The following C10orf62 variants were observed in gnomAD, a reference collection of about 807,000 sequenced individuals.
C10orf62 encodes the protein chromosome 10 open reading frame 62.
For synonymous variants in C10orf62, 94 were observed against 109.7 expected (o/e 0.86, Z 0.89); for missense variants, 279 against 281.9 (o/e 0.99, Z 0.07).
rs1202379899 is a variant in C10orf62 at position 97,590,310 on chromosome 10, G to A, written c.413G>A (p.Gly138Glu). 2 of 1,613,792 alleles carry A rather than the reference G, an allele frequency of 1.2e-6. No individual in the cohort carries two copies. Among genetic ancestry groups the A allele is most frequent in the Admixed American group, 3.3e-5 (2 of 60,016 alleles). Residue 138 changes from glycine (G) to glutamate (E), a missense_variant, in exon 1 of 1, where the codon GGG (glycine) becomes GAG (glutamate). Physicochemically the swap from Gly to Glu is moderately conservative, Grantham distance 98. Coordinates refer to ENST00000370640, the MANE Select transcript of C10orf62 (RefSeq NM_001009997.3). Reference protein sequence around the residue: ...AACTKEIDTQGRHLAHSMLQR... With the variant: ...AACTKEIDTQERHLAHSMLQR... ...TGCACCAAGGAGATTGACACCCAGG[G>A]GCGGCACCTGGCTCACTCCATGCTG...
chr10:97,590,717 A>C lies in C10orf62; in HGVS notation c.*148A>C. The C allele has an allele frequency of 1.4e-6, 1 of 733,108 alleles. No homozygotes were observed. The highest frequency in any genetic ancestry group is 2.3e-6 in the Non-Finnish European group (1 of 442,080). The allele number at this position is 733,108 out of a possible 1,614,324, so 45.4% of individuals were successfully genotyped here. A position where few individuals can be genotyped will look rare whatever the true frequency, so the allele number is the denominator to read the frequency against. Reference sequence around the variant, plus strand: ...GCTGTGCCCAAATCCCTACTTTCTTAGGCTCCTCACGGGGATTATGGGCTC... The same window carrying C: ...GCTGTGCCCAAATCCCTACTTTCTTCGGCTCCTCACGGGGATTATGGGCTC... On this transcript the variant is annotated 3_prime_UTR_variant, in exon 1 of 1. Coordinates refer to ENST00000370640, the MANE Select transcript of C10orf62 (RefSeq NM_001009997.3).
In C10orf62 at chr10:97,590,416, G is replaced by A; in HGVS notation, c.519G>A (p.Glu173=). ...INQEELRALE[E]VEMKLQKNFL... is the part of the protein sequence containing the mutation. Reference sequence around the variant, plus strand: ...AGGAGGAGCTGAGGGCCCTCGAGGAGGTAGAGATGAAGCTGCAAAAGAATT... The same window carrying A: ...AGGAGGAGCTGAGGGCCCTCGAGGAAGTAGAGATGAAGCTGCAAAAGAATT... The change falls in exon 1 of 1, where the codon GAG becomes GAA. Residue 173 remains glutamate (E), a synonymous_variant. Transcript: ENST00000370640. 2 of 1,614,138 alleles carry A rather than the reference G, an allele frequency of 1.2e-6. No homozygotes were observed. The highest frequency in any genetic ancestry group is 1.7e-6 in the Non-Finnish European group (2 of 1,180,022).
At position 97,590,506 on chromosome 10, in the gene C10orf62, T is replaced by A. The variant is rs527640057; in HGVS notation, c.609T>A (p.Ser203Arg). The A allele has an allele frequency of 2.9e-4, 469 of 1,612,356 alleles. 3 individuals carry two copies. In the South Asian group the frequency reaches 4.9e-3, roughly 17 times the overall value. Residue 203 changes from serine (S) to arginine (R), a missense_variant, in exon 1 of 1, where the codon AGT becomes AGA. By Grantham distance (110) the Ser-to-Arg change is moderately radical. Coordinates refer to ENST00000370640, the MANE Select transcript of C10orf62 (RefSeq NM_001009997.3). ...ACACACACACCTTCTATGGCCACAGTCACCACAGTCACCATGGCCACCCAA... is the reference window on the plus strand; with the variant it reads ...ACACACACACCTTCTATGGCCACAGACACCACAGTCACCATGGCCACCCAA... ...ANHTHTFYGH[S>R]HHSHHGHPSH...
At position 97,590,354 on chromosome 10, in the gene C10orf62, C is replaced by T. The variant is rs775259178; in HGVS notation, c.457C>T (p.Gln153Ter). 74 of 1,613,894 alleles carry T rather than the reference C, an allele frequency of 4.6e-5. No individual in the cohort carries two copies. The highest frequency in any genetic ancestry group is 6.0e-5 in the Non-Finnish European group (71 of 1,180,020). Residue 153 changes from glutamine to a stop codon, truncating the protein, a stop_gained, in exon 1 of 1, where the codon CAG becomes TAG. Transcript: ENST00000370640. LOFTEE classifies it low-confidence loss of function (END_TRUNC). The stretch of plus-strand genomic sequence containing the variant: ...CATGCTGCAGCGGGCCATAGCTTAC[C>T]AGCACTCAGGTCACCTAGAGTCCAA... ...HSMLQRAIAY[Q>*]HSGHLESKDI...
Position 97,589,920 on chromosome 10 carries a change from G to A in C10orf62, c.23G>A (p.Arg8Lys). 6.2e-7 allele frequency: 1 copy of A among 1,613,178 alleles called. No individual in the cohort carries two copies. Among genetic ancestry groups the A allele is most frequent in the Non-Finnish European group, 8.5e-7 (1 of 1,179,494 alleles). The change falls in exon 1 of 1, where the codon AGG becomes AAG. Residue 8 changes from arginine (R) to lysine (K), a missense_variant. Physicochemically the swap from Arg to Lys is conservative, Grantham distance 26. Coordinates refer to ENST00000370640, the MANE Select transcript of C10orf62 (RefSeq NM_001009997.3). Reference sequence around the variant, plus strand: ...CTCATGCTGTGGGTTCAGAGAAAGAGGAGAAGAAAGGAAACCTCTGAGTGT... The same window carrying A: ...CTCATGCTGTGGGTTCAGAGAAAGAAGAGAAGAAAGGAAACCTCTGAGTGT... MLWVQRK[R>K]RRKETSECPS... is the part of the protein sequence containing the mutation.
In C10orf62 at chr10:97,590,042, C is replaced by T. The variant is rs373701009; in HGVS notation, c.145C>T (p.Leu49Phe). 21 of 1,614,030 alleles carry T rather than the reference C, an allele frequency of 1.3e-5. No individual in the cohort carries two copies. The highest frequency in any genetic ancestry group is 1.8e-5 in the Non-Finnish European group (21 of 1,180,026). Residue 49 changes from leucine (L) to phenylalanine (F), a missense_variant, in exon 1 of 1, where the codon CTC becomes TTC. Physicochemically the swap from Leu to Phe is conservative, Grantham distance 22. Transcript: ENST00000370640. ...CCGCCTTTCCGAAGAGAAGCTGGCCCTCGACAACAATGCCAGCGCTAGTGG... is the reference window on the plus strand; with the variant it reads ...CCGCCTTTCCGAAGAGAAGCTGGCCTTCGACAACAATGCCAGCGCTAGTGG... Reference protein sequence around the residue: ...FSRLSEEKLALDNNASASGNA... With the variant: ...FSRLSEEKLAFDNNASASGNA...
rs565007098 is a variant in C10orf62, at chr10:97,590,266, G to A, written c.369G>A (p.Thr123=). 1.1e-5 allele frequency: 18 copies of A among 1,613,746 alleles called. No individual in the cohort carries two copies. In the African/African-American group the frequency reaches 1.5e-4, roughly 13 times the overall value. The change falls in exon 1 of 1, where the codon ACG becomes ACA. Residue 123 remains threonine (T), a synonymous_variant. Coordinates refer to ENST00000370640, the MANE Select transcript of C10orf62 (RefSeq NM_001009997.3). ...AAGCCCCATCCACTGATGAGGCCACGTGGGCCGCTGTGGCTGCCTGCACCA... is the reference window on the plus strand; with the variant it reads ...AAGCCCCATCCACTGATGAGGCCACATGGGCCGCTGTGGCTGCCTGCACCA... ...SGKAPSTDEA[T]WAAVAACTKE...
At position 97,590,581 on chromosome 10, in the gene C10orf62, C is replaced by A; in HGVS notation, c.*12C>A. 6.2e-7 allele frequency: 1 copy of A among 1,605,060 alleles called. No individual in the cohort carries two copies. Among genetic ancestry groups the A allele is most frequent in the Non-Finnish European group, 8.5e-7 (1 of 1,175,050 alleles). ...ATCGCAGACACTAGATCTGTGACTT[C>A]TTGGAAGCCACCTAACCATGGATGG... On this transcript the variant is annotated 3_prime_UTR_variant, in exon 1 of 1. Coordinates refer to ENST00000370640, the MANE Select transcript of C10orf62 (RefSeq NM_001009997.3).
At position 97,589,789 on chromosome 10, in the gene C10orf62, A is replaced by C. The variant is rs1048754727; in HGVS notation, c.-109A>C. The C allele has an allele frequency of 1.2e-6, 1 of 801,310 alleles. No homozygotes were observed. Among genetic ancestry groups the C allele is most frequent in the Non-Finnish European group, 2.1e-6 (1 of 482,302 alleles). 49.6% of individuals were successfully genotyped at this position (801,310 alleles called of 1,614,324 possible). ...ACCAGAGATCACCCAGCGTGCTCTTAGCTCTGCCTGCCTGGTGTAGGGTCC... is the reference window on the plus strand; with the variant it reads ...ACCAGAGATCACCCAGCGTGCTCTTCGCTCTGCCTGCCTGGTGTAGGGTCC... On this transcript the variant is annotated 5_prime_UTR_variant, in exon 1 of 1. The change abolishes the stop of an existing upstream ORF in the 5' untranslated region. Coordinates refer to ENST00000370640, the MANE Select transcript of C10orf62 (RefSeq NM_001009997.3).
Position 97,590,520 on chromosome 10 carries a change from A to G in C10orf62, c.623A>G (p.His208Arg), listed in dbSNP as rs1176913650. 1.9e-6 allele frequency: 3 copies of G among 1,612,432 alleles called. No homozygotes were observed. The highest frequency in any genetic ancestry group is 2.7e-5 in the African/African-American group (2 of 74,882). ...TFYGHSHHSH[H>R]GHPSHQSHSL... ...TATGGCCACAGTCACCACAGTCACC[A>G]TGGCCACCCAAGCCACCAGAGCCAC... The change falls in exon 1 of 1, where the codon CAT (histidine) becomes CGT (arginine). Residue 208 changes from histidine (H) to arginine (R), a missense_variant. By Grantham distance (29) the His-to-Arg change is conservative. Transcript: ENST00000370640.
rs751742777 is a variant in C10orf62, at chr10:97,590,406, C to G, written c.509C>G (p.Ala170Gly). Residue 170 changes from alanine (A) to glycine (G), a missense_variant, in exon 1 of 1, where the codon GCC (alanine) becomes GGC (glycine). Ala to Gly is a moderately conservative substitution (Grantham distance 60, BLOSUM62 0). Coordinates refer to ENST00000370640, the MANE Select transcript of C10orf62 (RefSeq NM_001009997.3). ...GACATCAACCAGGAGGAGCTGAGGG[C>G]CCTCGAGGAGGTAGAGATGAAGCTG... ...SKDINQEELRALEEVEMKLQK... is the reference protein window; with the variant it reads ...SKDINQEELRGLEEVEMKLQK... 4 of 1,613,964 alleles carry G rather than the reference C, an allele frequency of 2.5e-6. No individual in the cohort carries two copies. In the East Asian group the frequency reaches 8.9e-5, roughly 36 times the overall value.
At position 97,590,398 on chromosome 10, in the gene C10orf62, G is replaced by A. The variant is rs1228170230; in HGVS notation, c.501G>A (p.Glu167=). 5.0e-6 allele frequency: 8 copies of A among 1,614,162 alleles called. No homozygotes were observed. The highest frequency in any genetic ancestry group is 6.8e-6 in the Non-Finnish European group (8 of 1,180,032). The change falls in exon 1 of 1, where the codon GAG becomes GAA. Residue 167 remains glutamate, a synonymous_variant. Transcript: ENST00000370640. ...AGTCCAAGGACATCAACCAGGAGGAGCTGAGGGCCCTCGAGGAGGTAGAGA... is the reference window on the plus strand; with the variant it reads ...AGTCCAAGGACATCAACCAGGAGGAACTGAGGGCCCTCGAGGAGGTAGAGA... ...HLESKDINQE[E]LRALEEVEMK... is the part of the protein sequence containing the mutation.
At position 97,590,624 on chromosome 10, in the gene C10orf62, G is replaced by A. The variant is rs888134745; in HGVS notation, c.*55G>A. The A allele has an allele frequency of 3.2e-6, 5 of 1,551,450 alleles. No individual in the cohort carries two copies. The highest frequency in any genetic ancestry group is 4.4e-6 in the Non-Finnish European group (5 of 1,136,510). ...ATGGATGGAGACGCCCCTGCCCCCA[G>A]CAAGGCTGGCTCACACACACGTCTG... On this transcript the variant is annotated 3_prime_UTR_variant, in exon 1 of 1. Coordinates refer to ENST00000370640, the MANE Select transcript of C10orf62 (RefSeq NM_001009997.3).
Position 97,590,208 on chromosome 10 carries a change from C to G in C10orf62, c.311C>G (p.Ser104Ter), listed in dbSNP as rs765971580. ...FTSRQKTSGPSVIQEIHQESG... is the reference protein window; with the variant it reads ...FTSRQKTSGP ...AGCAGGCAGAAGACATCTGGGCCCT[C>G]AGTGATCCAAGAGATCCACCAGGAG... is the stretch of plus-strand genomic sequence containing the variant. Residue 104 changes from serine (S) to a stop codon, truncating the protein, a stop_gained, in exon 1 of 1, where the codon TCA becomes TGA. Transcript: ENST00000370640. LOFTEE classifies it low-confidence loss of function (END_TRUNC). 8.7e-6 allele frequency: 14 copies of G among 1,613,804 alleles called. No homozygotes were observed. The highest frequency in any genetic ancestry group is 9.3e-6 in the Non-Finnish European group (11 of 1,180,022).
rs1005276865 is a variant in C10orf62 at position 97,590,641 on chromosome 10, A to G, written c.*72A>G. ...TGCCCCCAGCAAGGCTGGCTCACAC[A>G]CACGTCTGTTTTCTCTCCTATGGGG... On this transcript the variant is annotated 3_prime_UTR_variant, in exon 1 of 1. Coordinates refer to ENST00000370640, the MANE Select transcript of C10orf62 (RefSeq NM_001009997.3). 1 of 1,477,184 alleles carries G rather than the reference A, an allele frequency of 6.8e-7. No homozygotes were observed. Among genetic ancestry groups the G allele is most frequent in the South Asian group, 1.2e-5 (1 of 80,798 alleles). 91.5% of individuals were successfully genotyped at this position (1,477,184 alleles called of 1,614,324 possible).
rs1275714065 is a variant in C10orf62 at position 97,590,403 on chromosome 10, G to A, written c.506G>A (p.Arg169Lys). Residue 169 changes from arginine (R) to lysine (K), a missense_variant, in exon 1 of 1, where the codon AGG becomes AAG. By Grantham distance (26) the Arg-to-Lys change is conservative. Coordinates refer to ENST00000370640, the MANE Select transcript of C10orf62 (RefSeq NM_001009997.3). ...AAGGACATCAACCAGGAGGAGCTGA[G>A]GGCCCTCGAGGAGGTAGAGATGAAG... Reference protein sequence around the residue: ...ESKDINQEELRALEEVEMKLQ... With the variant: ...ESKDINQEELKALEEVEMKLQ... The A allele has an allele frequency of 3.7e-6, 6 of 1,614,004 alleles. No individual in the cohort carries two copies. Among genetic ancestry groups the A allele is most frequent in the African/African-American group, 1.3e-5 (1 of 74,916 alleles).
rs1317347951 is a variant in C10orf62 at position 97,590,863 on chromosome 10, A to G, written c.*294A>G. ...CTGAAGACCCACCAAGAGAAGACAG[A>G]TGGGAGCAGGCAAGAGCCCCACACT... On this transcript the variant is annotated 3_prime_UTR_variant, in exon 1 of 1. Transcript: ENST00000370640. 8.2e-6 allele frequency: 4 copies of G among 486,766 alleles called. No homozygotes were observed. Among genetic ancestry groups the G allele is most frequent in the Non-Finnish European group, 1.5e-5 (4 of 263,390 alleles). The allele number at this position is 486,766 out of a possible 1,614,324, so 30.2% of individuals were successfully genotyped here.
Position 97,590,325 on chromosome 10 carries a change from A to C in C10orf62, c.428A>C (p.His143Pro), listed in dbSNP as rs750719654. Reference sequence around the variant, plus strand: ...GACACCCAGGGGCGGCACCTGGCTCACTCCATGCTGCAGCGGGCCATAGCT... The same window carrying C: ...GACACCCAGGGGCGGCACCTGGCTCCCTCCATGCTGCAGCGGGCCATAGCT... Reference protein sequence around the residue: ...EIDTQGRHLAHSMLQRAIAYQ... With the variant: ...EIDTQGRHLAPSMLQRAIAYQ... The change falls in exon 1 of 1, where the codon CAC becomes CCC. Residue 143 changes from histidine (H) to proline (P), a missense_variant. By Grantham distance (77) the His-to-Pro change is moderately conservative. Transcript: ENST00000370640. 6.2e-7 allele frequency: 1 copy of C among 1,613,576 alleles called. No individual in the cohort carries two copies.
Position 97,590,896 on chromosome 10 carries a change from T to G in C10orf62, c.*327T>G. 5.5e-6 allele frequency: 2 copies of G among 361,090 alleles called. No homozygotes were observed. The highest frequency in any genetic ancestry group is 1.1e-4 in the East Asian group (2 of 18,216). The allele number at this position is 361,090 out of a possible 1,614,324, so 22.4% of individuals were successfully genotyped here. On this transcript the variant is annotated 3_prime_UTR_variant, in exon 1 of 1. Transcript: ENST00000370640. ...AGGCAAGAGCCCCACACTGATGTCA[T>G]TGCCTGGAACGGAGCCAATAAAGCT...
Sources: allele counts gnomAD v4.1 joint callset, GRCh38; gene constraint gnomAD v4.1.1; transcripts MANE v1.5; gene names NCBI Gene and HGNC (gene_info 2026-07-23, HGNC 2026-07-21).